LRFN5: variants seen among roughly 807,000 people sequenced by gnomAD.
LRFN5 encodes leucine-rich repeat and fibronectin type-III domain-containing protein 5.
Under a neutral mutation model 45.6 loss-of-function variants are expected in LRFN5, and 24 were observed. That is an observed-to-expected ratio of 0.53 (90% CI 0.38 to 0.74). The LOEUF (loss-of-function observed/expected upper bound fraction) is 0.74. Ranked by LOEUF, LRFN5 falls within the 30% of genes least tolerant of loss-of-function variation. The pLI is 0.00. For synonymous variants in LRFN5, 340 were observed against 313.8 expected, an observed-to-expected ratio of 1.08 and a Z score of -0.88; for missense variants, 776 against 861.5, an observed-to-expected ratio of 0.90 and a Z score of 1.24.
chr14:41,851,992 AAG>A (rs1491297880), intron 2 of LRFN5, among the ~76,000 whole-genome samples: 1 of 151,544 alleles, frequency 6.6e-6, no homozygotes, highest in Non-Finnish European at 1.5e-5. Flanking sequence ...CAGAAAAAAA[AAG>A]AGAATCTTTG....
chr14:41,749,424 A>G (rs535852658), intron 1 of LRFN5, among the ~76,000 whole-genome samples: 160 of 152,276 alleles, frequency 1.1e-3, no homozygotes, highest in Non-Finnish European at 1.2e-3. Context: ...TGATTTAATG[A>G]TAGATTCCAT....
intron 1 of LRFN5, among the ~76,000 whole-genome samples, chr14:41,646,292 T>C (rs1363653340): frequency 6.6e-6 from 1 of 152,222 alleles, no homozygotes; most frequent in Non-Finnish European, 1.5e-5. Context: ...TGTTTCATCA[T>C]GTATATTTGT....
intron 2 of LRFN5, among the ~76,000 whole-genome samples, chr14:41,873,919 GT>G (rs1012743595): frequency 3.9e-5 from 6 of 152,294 alleles, no homozygotes; most frequent in Non-Finnish European, 8.8e-5. Context: ...ACAGTGGATA[GT>G]TTGATATCTC....
rs540787062 is a variant in LRFN5, at chr14:41,834,863, C to G, written c.-20-51743C>G. Among the ~76,000 whole-genome samples, 3 of 152,070 alleles carry G rather than the reference C, an allele frequency of 2.0e-5. No individual in the cohort carries two copies. The South Asian group carries it at 6.2e-4, about 32-fold the overall frequency. ...TTTTTTGTGGAGATGAGGTTTCGCTCTGTTGCCCAGGCTGCTCTTGCACTT... is the reference window on the plus strand; with the variant it reads ...TTTTTTGTGGAGATGAGGTTTCGCTGTGTTGCCCAGGCTGCTCTTGCACTT... On this transcript the variant is annotated intron_variant, in intron 2 of 5. Transcript: ENST00000298119.
At chr14:41,770,477 C>G (rs1234014901) in intron 2 of LRFN5, among the ~76,000 whole-genome samples, 1 of 152,136 alleles carries the variant, frequency 6.6e-6, no homozygotes, top group African/African-American at 2.4e-5. Flanking sequence ...TACAATGATG[C>G]TACTGGCATT....
chr14:41,672,078 G>T (rs1282502853), intron 1 of LRFN5, among the ~76,000 whole-genome samples: 1 of 152,158 alleles, frequency 6.6e-6, no homozygotes, highest in Non-Finnish European at 1.5e-5. Context: ...TCTACTAGGT[G>T]CCTTAGGGCA....
At chr14:41,778,775 G>T (rs942681112) in intron 2 of LRFN5, among the ~76,000 whole-genome samples, 1 of 151,502 alleles carries the variant, frequency 6.6e-6, no homozygotes, top group Non-Finnish European at 1.5e-5. Flanking sequence ...CCATTTCTTT[G>T]TTTTTTTAGA....
intron 1 of LRFN5, among the ~76,000 whole-genome samples, chr14:41,622,798 T>A (rs1947583852): frequency 6.6e-6 from 1 of 152,186 alleles, no homozygotes. Context: ...GTATTTGTTA[T>A]CATGATCTAT....
At chr14:41,694,501 T>C (rs1270722947) in intron 1 of LRFN5, among the ~76,000 whole-genome samples, 2 of 152,112 alleles carry the variant, frequency 1.3e-5, no homozygotes, top group Admixed American at 1.3e-4. Flanking sequence ...TCATCCATGG[T>C]ATCCCAAATA....
intron 2 of LRFN5, among the ~76,000 whole-genome samples, chr14:41,846,326 A>G (rs1314796032): frequency 6.6e-6 from 1 of 152,188 alleles, no homozygotes; most frequent in East Asian, 1.9e-4. Context: ...AATGATTATA[A>G]TAGCACTATT....
At chr14:41,851,374 T>G (rs1951871) in intron 2 of LRFN5, among the ~76,000 whole-genome samples, 2 of 136,416 alleles carry the variant, frequency 1.5e-5, no homozygotes, top group Non-Finnish European at 3.3e-5. Context: ...AATATTATAA[T>G]ATACTGATTT....
chr14:41,879,279 A>G (rs1890291168), intron 2 of LRFN5, among the ~76,000 whole-genome samples: 1 of 152,040 alleles, frequency 6.6e-6, no homozygotes, highest in Non-Finnish European at 1.5e-5. Flanking sequence ...TTAACTACAG[A>G]TAAAGTGCCC....
chr14:41,714,888 AAG>A (rs1351557523), intron 1 of LRFN5, among the ~76,000 whole-genome samples: 2 of 151,094 alleles, frequency 1.3e-5, no homozygotes, highest in Non-Finnish European at 2.9e-5. Flanking sequence ...TTGGGTGACA[AAG>A]TAAGACCCTA....
At chr14:41,614,771 A>G (rs897273377) in intron 1 of LRFN5, among the ~76,000 whole-genome samples, 5 of 152,088 alleles carry the variant, frequency 3.3e-5, no homozygotes, top group South Asian at 4.1e-4. Flanking sequence ...GACTTATGCA[A>G]TCAGACGGTC....
intron 2 of LRFN5, among the ~76,000 whole-genome samples, chr14:41,810,331 A>G (rs77730384): frequency 3.4e-4 from 52 of 152,142 alleles, no homozygotes; most frequent in African/African-American, 1.2e-3. Flanking sequence ...CAGGAAGACC[A>G]TAGCTACTTG....
chr14:41,664,400 G>GTATC (rs1880800282), intron 1 of LRFN5, among the ~76,000 whole-genome samples: 2 of 151,724 alleles, frequency 1.3e-5, no homozygotes, highest in African/African-American at 4.8e-5. Flanking sequence ...TTTCTTGGTG[G>GTATC]TATCTACTCC....
chr14:41,868,489 T>G (rs958578040), intron 2 of LRFN5, among the ~76,000 whole-genome samples: 2 of 152,082 alleles, frequency 1.3e-5, no homozygotes, highest in Non-Finnish European at 2.9e-5. Flanking sequence ...TTTACTTATC[T>G]AAAAAATCCT....
chr14:41,825,012 T>C (rs534041221), intron 2 of LRFN5, among the ~76,000 whole-genome samples: 2 of 152,322 alleles, frequency 1.3e-5, no homozygotes, highest in African/African-American at 4.8e-5. Context: ...AGTTAATGGC[T>C]GTGGAAAATG....
chr14:41,888,015 GA>G lies in LRFN5; in HGVS notation c.1385+10del, dbSNP rs1890642464. The G allele has an allele frequency of 8.3e-6, 13 of 1,573,722 alleles. No individual in the cohort carries two copies. The highest frequency in any genetic ancestry group is 1.0e-5 in the Non-Finnish European group (12 of 1,160,682). Reference sequence around the variant, plus strand: ...TGATGACACCCTTGTTTACAGGTAAGAAAAATTGAGCAAATTTGTATACTTA... The same window carrying G: ...TGATGACACCCTTGTTTACAGGTAAGAAAATTGAGCAAATTTGTATACTTA... On this transcript the variant is annotated splice_donor_region_variant and intron_variant, in intron 3 of 5. Coordinates refer to ENST00000298119, the MANE Select transcript of LRFN5 (RefSeq NM_152447.5).
Sources: gnomAD v4.1 joint callset for allele counts (sites outside exome capture counted in the v4.1 genomes callset) on GRCh38, gnomAD v4.1.1 for gene constraint, MANE v1.5 for transcripts, NCBI Gene and HGNC (gene_info 2026-07-23, HGNC 2026-07-21) for gene names.